The following PLCB1 variants were observed in gnomAD, a reference collection of about 807,000 sequenced individuals.
The protein encoded by PLCB1 is 1-phosphatidylinositol 4,5-bisphosphate phosphodiesterase beta-1.
PLCB1 carries 46 observed loss-of-function variants against 161.8 expected under a neutral mutation model. That is an observed-to-expected ratio of 0.28 (90% CI 0.22 to 0.36). PLCB1 has a LOEUF of 0.36. Ranked by LOEUF, PLCB1 falls within the 10% of genes least tolerant of loss-of-function variation. The probability of loss-of-function intolerance (pLI) is 1.00; values close to 1 mark genes in which losing one functional copy is unlikely to be tolerated. For synonymous variants in PLCB1, 517 were observed against 503.7 expected (o/e 1.03, Z -0.35); for missense variants, 1,016 against 1,472.5 (o/e 0.69, Z 5.07).
At chr20:8,300,703 A>G (rs1158152909) in intron 2 of PLCB1, among the ~76,000 whole-genome samples, 2 of 152,264 alleles carry the variant, frequency 1.3e-5, no homozygotes, top group East Asian at 1.9e-4. Context: ...CCAAACTTGT[A>G]AGCCTCATGA....
intron 2 of PLCB1, among the ~76,000 whole-genome samples, chr20:8,263,600 G>A (rs552161100): frequency 6.6e-6 from 1 of 152,240 alleles, no homozygotes; most frequent in East Asian, 1.9e-4. Flanking sequence ...CTAGATGGTA[G>A]AGACTACTAC....
intron 1 of PLCB1, among the ~76,000 whole-genome samples, chr20:8,149,288 A>C (rs571276116): frequency 6.6e-6 from 1 of 152,278 alleles, no homozygotes; most frequent in Non-Finnish European, 1.5e-5. Flanking sequence ...CAGTTGTGTA[A>C]AGCTATGCAC....
intron 3 of PLCB1, among the ~76,000 whole-genome samples, chr20:8,397,637 T>G (rs1303333623): frequency 1.3e-5 from 2 of 152,164 alleles, no homozygotes; most frequent in African/African-American, 2.4e-5. Context: ...AAGTCCATCT[T>G]TCCCCAGTGA....
At chr20:8,335,755 C>A (rs1227042290) in intron 2 of PLCB1, among the ~76,000 whole-genome samples, 2 of 152,234 alleles carry the variant, frequency 1.3e-5, no homozygotes, top group African/African-American at 4.8e-5. Flanking sequence ...CTCTTCTTGG[C>A]ATCTCCAGGA....
intron 3 of PLCB1, among the ~76,000 whole-genome samples, chr20:8,418,598 A>G (rs191353412): frequency 6.6e-6 from 1 of 152,120 alleles, no homozygotes; most frequent in East Asian, 1.9e-4. Flanking sequence ...AATTACTTAT[A>G]TATTTTTATG....
At chr20:8,645,126 C>T (rs555731360) in intron 4 of PLCB1, among the ~76,000 whole-genome samples, 2 of 150,842 alleles carry the variant, frequency 1.3e-5, no homozygotes, top group South Asian at 2.1e-4. Context: ...GCAGCATGCT[C>T]GTTAAGAGTC....
intron 27 of PLCB1, among the ~76,000 whole-genome samples, chr20:8,787,781 G>A (rs752242497): frequency 7.2e-5 from 11 of 152,236 alleles, no homozygotes; most frequent in Non-Finnish European, 1.0e-4. Context: ...GATAATAGAT[G>A]TATGACAATA....
At chr20:8,321,941 A>C (rs2122162485) in intron 2 of PLCB1, among the ~76,000 whole-genome samples, 1 of 152,234 alleles carries the variant, frequency 6.6e-6, no homozygotes, top group East Asian at 1.9e-4. Flanking sequence ...TTTCAGTTAC[A>C]TGCTGGGCAT....
In PLCB1 at chr20:8,733,657, G is replaced by A. The variant is rs6077416; in HGVS notation, c.2043+265G>A. 0.25 allele frequency among the ~76,000 whole-genome samples: 37,100 copies of A among 149,844 alleles called. 4,682 individuals are homozygous for A. The highest frequency in any genetic ancestry group is 0.4 in the Middle Eastern group (117 of 292). Reference sequence around the variant, plus strand: ...ACTGTTGTGGGGTGGGGGGAGCGGGGAGGGATAGCATTAGGAGATACACCT... The same window carrying A: ...ACTGTTGTGGGGTGGGGGGAGCGGGAAGGGATAGCATTAGGAGATACACCT... On this transcript the variant is annotated intron_variant, in intron 19 of 31. Coordinates refer to ENST00000338037, the MANE Select transcript of PLCB1 (RefSeq NM_015192.4).
chr20:8,310,182 A>T (rs1035120028), intron 2 of PLCB1, among the ~76,000 whole-genome samples: 38 of 152,220 alleles, frequency 2.5e-4, no homozygotes, highest in African/African-American at 8.9e-4. Context: ...TGGAAAAAAA[A>T]TTTCCCCATC....
In PLCB1 at chr20:8,774,753, A is replaced by G. The variant is rs373452504; in HGVS notation, c.3111+34A>G. On this transcript the variant is annotated intron_variant, in intron 27 of 31. Transcript: ENST00000338037. ...GAGAAACATGATTTATGTTTGTGCA[A>G]CTGGAACTCCCTTATAGGAAACTTT... The G allele has an allele frequency of 5.7e-5, 88 of 1,546,708 alleles. No individual in the cohort carries two copies. The African/African-American group carries it at 1.1e-3, about 19-fold the overall frequency.
chr20:8,588,879 T>TA (rs1177472942), intron 3 of PLCB1, among the ~76,000 whole-genome samples: 1 of 152,060 alleles, frequency 6.6e-6, no homozygotes, highest in Non-Finnish European at 1.5e-5. Context: ...TTTTCCCCAT[T>TA]CCCTCTCCAG....
intron 2 of PLCB1, among the ~76,000 whole-genome samples, chr20:8,195,234 A>T (rs910413511): frequency 6.6e-6 from 1 of 152,160 alleles, no homozygotes; most frequent in East Asian, 1.9e-4. Flanking sequence ...TTTTTCAAAA[A>T]AGGCTCAGAA....
chr20:8,877,590 G>A (rs1987822753), intron 31 of PLCB1, among the ~76,000 whole-genome samples: 1 of 152,140 alleles, frequency 6.6e-6, no homozygotes, highest in East Asian at 1.9e-4. Flanking sequence ...TTATTTACAT[G>A]ACTTGCCTGG....
chr20:8,243,425 A>G (rs1197784844), intron 2 of PLCB1, among the ~76,000 whole-genome samples: 10 of 151,962 alleles, frequency 6.6e-5, no homozygotes, highest in African/African-American at 2.2e-4. Flanking sequence ...GAATGGTTGT[A>G]TTTTGGCCAA....
intron 3 of PLCB1, among the ~76,000 whole-genome samples, chr20:8,621,931 T>C (rs1368930560): frequency 6.6e-6 from 1 of 152,192 alleles, no homozygotes; most frequent in East Asian, 1.9e-4. Flanking sequence ...GAACAGCTGG[T>C]GTGGTAGTTG....
chr20:8,807,603 GC>G (rs1336039539), intron 31 of PLCB1, among the ~76,000 whole-genome samples: 2 of 149,434 alleles, frequency 1.3e-5, no homozygotes, highest in Non-Finnish European at 3.0e-5. Flanking sequence ...GTTATTAAAT[GC>G]CTACTACACA....
At chr20:8,710,283 CA>C (rs1228577561) in intron 12 of PLCB1, among the ~76,000 whole-genome samples, 6 of 151,934 alleles carry the variant, frequency 3.9e-5, no homozygotes, top group Non-Finnish European at 8.8e-5. Flanking sequence ...TTTAAACAAC[CA>C]GATCTCATGA....
At position 8,331,536 on chromosome 20, in the gene PLCB1, T is replaced by A. The variant is rs201626058; in HGVS notation, c.178-39846T>A. On this transcript the variant is annotated intron_variant, in intron 2 of 31. Transcript: ENST00000338037. The stretch of plus-strand genomic sequence containing the variant: ...CTGTGCTGCAGTGATGTGAGCAGTT[T>A]ATCAGCACCATTTTTCTGACAGAAG... 6.6e-5 allele frequency among the ~76,000 whole-genome samples: 10 copies of A among 152,298 alleles called. No homozygotes were observed. In the East Asian group the frequency reaches 1.7e-3, roughly 27 times the overall value.
Sources: gnomAD v4.1 joint callset for allele counts (sites outside exome capture counted in the v4.1 genomes callset) on GRCh38, gnomAD v4.1.1 for gene constraint, MANE v1.5 for transcripts, NCBI Gene and HGNC (gene_info 2026-07-23, HGNC 2026-07-21) for gene names.